Variants in MAMDC2 observed in about 807,000 individuals in gnomAD.
MAMDC2 encodes the protein MAM domain containing 2, also known as MAM domain-containing protein 2.
Under a neutral mutation model 89.8 loss-of-function variants are expected in MAMDC2, and 57 were observed. The observed-to-expected ratio is 0.63, with a 90% CI of 0.51 to 0.79. MAMDC2 has a LOEUF of 0.79. Ranked by LOEUF, MAMDC2 falls within the 30% of genes least tolerant of loss-of-function variation. The pLI, the probability that MAMDC2 is intolerant of heterozygous loss-of-function variation, is 0.00. For missense variants in MAMDC2, 800 were observed against 820.6 expected, an observed-to-expected ratio of 0.97 and a Z score of 0.31; for synonymous variants, 313 against 293.4, an observed-to-expected ratio of 1.07 and a Z score of -0.68.
At chr9:70,154,139 T>G (rs1301967612) in intron 9 of MAMDC2, 2 of 152,240 alleles carry the variant, frequency 1.3e-5, no homozygotes, top group East Asian at 1.9e-4. Flanking sequence ...ATGTTGAAAT[T>G]GTACTTACCT....
chr9:70,074,588 C>T (rs372505203), intron 2 of MAMDC2, among the ~76,000 whole-genome samples: 4 of 152,112 alleles, frequency 2.6e-5, no homozygotes, highest in African/African-American at 4.8e-5. Flanking sequence ...CTTTCCCAGC[C>T]GCCACCAAGG....
chr9:70,217,252 C>G, intron 11 of MAMDC2: 1 of 928,312 alleles, frequency 1.1e-6, no homozygotes, highest in South Asian at 1.3e-5. Flanking sequence ...ACAGGGGAGG[C>G]ACTACGCCAG....
In MAMDC2 at chr9:70,143,754, T is replaced by G; in HGVS notation, c.1339T>G (p.Leu447Val). ...HVVQEKIWSV[L>V]ESPRGVWMQA... The stretch of plus-strand genomic sequence containing the variant: ...GGTTCAAGAGAAGATCTGGTCTGTG[T>G]TGGAGTCCCCAAGGGGTGTTTGGAT... Residue 447 changes from leucine (L) to valine (V), a missense_variant, in exon 9 of 14, where the codon TTG becomes GTG. Physicochemically the swap from Leu to Val is conservative, Grantham distance 32. Transcript: ENST00000377182. 1 of 1,614,188 alleles carries G rather than the reference T, an allele frequency of 6.2e-7. No homozygotes were observed. The highest frequency in any genetic ancestry group is 8.5e-7 in the Non-Finnish European group (1 of 1,180,014).
At chr9:70,149,440 A>C (rs572206689) in intron 9 of MAMDC2, among the ~76,000 whole-genome samples, 2 of 152,272 alleles carry the variant, frequency 1.3e-5, no homozygotes, top group African/African-American at 4.8e-5. Context: ...GCTGACCTAC[A>C]GGGAGCTCTG....
intron 11 of MAMDC2, among the ~76,000 whole-genome samples, chr9:70,212,766 T>A (rs922477290): frequency 7.2e-5 from 11 of 152,258 alleles, no homozygotes; most frequent in African/African-American, 2.4e-4. Context: ...CTCCTCCTAT[T>A]TTATGGTACT....
chr9:70,112,169 G>T (rs1440966441), intron 4 of MAMDC2, among the ~76,000 whole-genome samples: 1 of 152,194 alleles, frequency 6.6e-6, no homozygotes, highest in African/African-American at 2.4e-5. Flanking sequence ...CCAGTGGCCA[G>T]CACAATTATA....
At chr9:70,140,672 A>G (rs2031184334) in intron 8 of MAMDC2, among the ~76,000 whole-genome samples, 1 of 152,180 alleles carries the variant, frequency 6.6e-6, no homozygotes, top group Non-Finnish European at 1.5e-5. Flanking sequence ...GTGTTTAAGT[A>G]TGGGGTTGCC....
At chr9:70,171,144 G>C (rs2032331969) in intron 11 of MAMDC2, 2 of 153,326 alleles carry the variant, frequency 1.3e-5, no homozygotes, top group African/African-American at 4.8e-5. Context: ...AACAGAGTAA[G>C]AGTTCATCTA....
intron 12 of MAMDC2, among the ~76,000 whole-genome samples, chr9:70,221,187 G>A (rs1587584136): frequency 6.7e-6 from 1 of 150,246 alleles, no homozygotes; most frequent in Admixed American, 6.7e-5. Flanking sequence ...TAGTGGGGAG[G>A]ACGTAGAAAA....
chr9:70,107,885 G>A (rs1224209074), intron 2 of MAMDC2, among the ~76,000 whole-genome samples: 1 of 152,170 alleles, frequency 6.6e-6, no homozygotes, highest in African/African-American at 2.4e-5. Flanking sequence ...AATGGGCCTG[G>A]TGTAAAAGAA....
Position 70,212,529 on chromosome 9 carries a change from G to A in MAMDC2, c.1652-5808G>A, listed in dbSNP as rs144151717. ...TGATTTTCCAGGTTTCCCTTGTCACGGCTTCCCTTGGCTAGGAAAGGGAAT... is the reference window on the plus strand; with the variant it reads ...TGATTTTCCAGGTTTCCCTTGTCACAGCTTCCCTTGGCTAGGAAAGGGAAT... On this transcript the variant is annotated intron_variant, in intron 11 of 13. Coordinates refer to ENST00000377182, the MANE Select transcript of MAMDC2 (RefSeq NM_153267.5). 1.1e-4 allele frequency among the ~76,000 whole-genome samples: 17 copies of A among 152,264 alleles called. No homozygotes were observed. In the South Asian group the frequency reaches 1.7e-3, roughly 15 times the overall value.
At chr9:70,113,279 G>A (rs1828560001) in intron 5 of MAMDC2, 147 bp downstream of exon 5, 10 of 866,692 alleles carry the variant, frequency 1.2e-5, no homozygotes, top group Admixed American at 7.8e-5. Flanking sequence ...GAACCAGGAG[G>A]TGTGACAGAA....
rs537621340 is a variant in MAMDC2 at position 70,140,821 on chromosome 9, A to T, written c.1138+533A>T. On this transcript the variant is annotated intron_variant, in intron 8 of 13. Transcript: ENST00000377182. Reference sequence around the variant, plus strand: ...TACCATGTATATTTTACTATAATTTAAAAAATCTATTCTGAGGGGAAAAGC... The same window carrying T: ...TACCATGTATATTTTACTATAATTTTAAAAATCTATTCTGAGGGGAAAAGC... Among the ~76,000 whole-genome samples the T allele has an allele frequency of 3.7e-3, 565 of 152,322 alleles. 2 individuals carry two copies. The highest frequency in any genetic ancestry group is 0.012 in the African/African-American group (518 of 41,570).
intron 11 of MAMDC2, among the ~76,000 whole-genome samples, chr9:70,210,082 A>G (rs1284886909): frequency 1.3e-5 from 2 of 152,130 alleles, no homozygotes; most frequent in Admixed American, 6.6e-5. Flanking sequence ...GAATAAGTGC[A>G]ATGTGGTGCT....
chr9:70,185,092 T>C (rs1389598880), intron 11 of MAMDC2, among the ~76,000 whole-genome samples: 1 of 152,200 alleles, frequency 6.6e-6, no homozygotes, highest in East Asian at 1.9e-4. Flanking sequence ...TTGATGTTGA[T>C]ATTATTGTTT....
chr9:70,086,201 C>T (rs950590926), intron 2 of MAMDC2: 7 of 151,786 alleles, frequency 4.6e-5, no homozygotes, highest in Non-Finnish European at 7.4e-5. Context: ...TCAAAACTTG[C>T]CTTGAAGTTA....
intron 2 of MAMDC2, chr9:70,081,687 A>G (rs1346109716): frequency 2.0e-5 from 3 of 152,104 alleles, no homozygotes; most frequent in Admixed American, 1.3e-4. Context: ...TGAAGAACTC[A>G]AGACTTCTCT....
chr9:70,068,690 C>G (rs1169591381), intron 2 of MAMDC2, among the ~76,000 whole-genome samples: 1 of 144,336 alleles, frequency 6.9e-6, no homozygotes, highest in Non-Finnish European at 1.5e-5. Context: ...CCACTGCATT[C>G]CAGCCTGGTT....
intron 11 of MAMDC2, among the ~76,000 whole-genome samples, chr9:70,180,718 T>C (rs2032628611): frequency 6.6e-6 from 1 of 152,232 alleles, no homozygotes; most frequent in Non-Finnish European, 1.5e-5. Context: ...GTTGGTTTTT[T>C]CTTGTAAATT....
Sources: allele counts gnomAD v4.1 joint callset (sites outside exome capture counted in the v4.1 genomes callset), GRCh38; gene constraint gnomAD v4.1.1; transcripts MANE v1.5; gene names NCBI Gene and HGNC (gene_info 2026-07-23, HGNC 2026-07-21).